C2orf66: variants seen among roughly 807,000 people sequenced by gnomAD.
C2orf66 encodes chromosome 2 open reading frame 66, also known as uncharacterized protein C2orf66.
C2orf66 carries 6 observed loss-of-function variants against 7.0 expected under a neutral mutation model. The observed-to-expected ratio is 0.86, with a 90% CI of 0.47 to 1.69. C2orf66 has a LOEUF of 1.69. Among genes scored for constraint, C2orf66 ranks in the 40% most tolerant of loss-of-function variants. The pLI, the probability that C2orf66 is intolerant of heterozygous loss-of-function variation, is 0.01. For synonymous variants in C2orf66, 38 were observed against 43.8 expected (o/e 0.87, Z 0.52); for missense variants, 107 against 112.0 (o/e 0.96, Z 0.20).
chr2:196,827,032 A>AAAAAC, the C2orf66 span, among the ~76,000 whole-genome samples: 4,863 of 151,010 alleles, frequency 0.032, 230 homozygotes, highest in African/African-American at 0.11. Flanking sequence ...ACTCTGTCTC[A>AAAAAC]AAAACAAAAC....
the C2orf66 span, among the ~76,000 whole-genome samples, chr2:196,828,226 TCTCTCACACA>T: frequency 1.4e-3 from 187 of 132,724 alleles, no homozygotes; most frequent in Non-Finnish European, 2.4e-3. Flanking sequence ...TCTCTCTCTC[TCTCTCACACA>T]CACACACACA....
chr2:196,827,698 T>G, the C2orf66 span, among the ~76,000 whole-genome samples: 2 of 152,234 alleles, frequency 1.3e-5, no homozygotes, highest in Non-Finnish European at 2.9e-5. Flanking sequence ...TCATTCTAGC[T>G]GGATTTATTT....
rs924384615 is a variant in C2orf66, at chr2:196,809,217, A to T, written c.120T>A (p.Asp40Glu). Residue 40 changes from aspartate to glutamate, a missense_variant, in exon 1 of 3, where the codon GAT becomes GAA. By Grantham distance (45) the Asp-to-Glu change is conservative (BLOSUM62 2). Transcript: ENST00000342506. ...WKPLNNPRNR[D>E]LFFRRLQAYF... ...CAGGCCCCAAGTGTGTTCTTACCAGATCTCTGTTTCTGGGGTTGTTGAGTG... is the reference window on the plus strand; with the variant it reads ...CAGGCCCCAAGTGTGTTCTTACCAGTTCTCTGTTTCTGGGGTTGTTGAGTG... The T allele has an allele frequency of 3.7e-6, 6 of 1,613,622 alleles. No individual in the cohort carries two copies. The highest frequency in any genetic ancestry group is 5.1e-6 in the Non-Finnish European group (6 of 1,179,832).
At chr2:196,817,732 C>T in the C2orf66 span, among the ~76,000 whole-genome samples, 9 of 152,022 alleles carry the variant, frequency 5.9e-5, no homozygotes, top group Non-Finnish European at 7.4e-5. Flanking sequence ...CATTTATAGA[C>T]CTCCCCCCAG....
At chr2:196,824,023 G>A in the C2orf66 span, among the ~76,000 whole-genome samples, 1 of 152,048 alleles carries the variant, frequency 6.6e-6, no homozygotes, top group Non-Finnish European at 1.5e-5. Context: ...AACAAGGAAG[G>A]TTGTGGACAT....
upstream of C2orf66, among the ~76,000 whole-genome samples, chr2:196,811,390 CA>C (rs1342254892): frequency 6.6e-6 from 1 of 152,102 alleles, no homozygotes; most frequent in African/African-American, 2.4e-5. Context: ...CACAGTAGTC[CA>C]GGCAGGAAAA....
the C2orf66 span, among the ~76,000 whole-genome samples, chr2:196,829,588 C>CA: frequency 6.7e-6 from 1 of 148,270 alleles, no homozygotes; most frequent in African/African-American, 2.5e-5. Flanking sequence ...GACTCTGTCT[C>CA]AAAAACAAAA....
chr2:196,807,750 T>G, intron 1 of C2orf66, 128 bp from the exon 2 acceptor site: 1 of 734,744 alleles, frequency 1.4e-6, no homozygotes. Context: ...AAATACAAAA[T>G]CTAGAAATAC....
the C2orf66 span, among the ~76,000 whole-genome samples, chr2:196,819,823 T>C: frequency 6.6e-6 from 1 of 152,226 alleles, no homozygotes. Flanking sequence ...TTTTGTATCA[T>C]TCACCAGAGA....
the C2orf66 span, among the ~76,000 whole-genome samples, chr2:196,825,966 A>G: frequency 6.6e-6 from 1 of 152,192 alleles, no homozygotes; most frequent in African/African-American, 2.4e-5. Flanking sequence ...ATATTATTAA[A>G]TATTTATTAT....
the C2orf66 span, among the ~76,000 whole-genome samples, chr2:196,830,614 T>C: frequency 6.6e-6 from 1 of 152,230 alleles, no homozygotes; most frequent in Non-Finnish European, 1.5e-5. Flanking sequence ...AGCCAATTTT[T>C]CCTTGTCCCA....
At chr2:196,825,806 C>A in the C2orf66 span, among the ~76,000 whole-genome samples, 4 of 152,294 alleles carry the variant, frequency 2.6e-5, no homozygotes, top group African/African-American at 7.2e-5. Context: ...ACACATTCAG[C>A]CTTTATCACA....
the C2orf66 span, among the ~76,000 whole-genome samples, chr2:196,814,407 C>T: frequency 2.0e-5 from 3 of 152,014 alleles, no homozygotes; most frequent in African/African-American, 7.2e-5. Flanking sequence ...GAACATCACA[C>T]ACTGGGGCCT....
chr2:196,811,863 C>G (rs976619405), upstream of C2orf66, among the ~76,000 whole-genome samples: 1 of 152,116 alleles, frequency 6.6e-6, no homozygotes, highest in Non-Finnish European at 1.5e-5. Flanking sequence ...CAGCCACATA[C>G]AGGAATCTAC....
At chr2:196,811,035 G>A (rs1339639074), upstream of C2orf66, among the ~76,000 whole-genome samples, 1 of 152,220 alleles carries the variant, frequency 6.6e-6, no homozygotes, top group Non-Finnish European at 1.5e-5. Context: ...GTGAAGAAAT[G>A]ACCTTACATC....
rs1026239289 is a variant in C2orf66 at position 196,809,232 on chromosome 2, G to C, written c.105C>G (p.Asn35Lys). Residue 35 changes from asparagine to lysine, a missense_variant, in exon 1 of 3, where the codon AAC (asparagine) becomes AAG (lysine). Asn to Lys is a moderately conservative substitution (Grantham distance 94, BLOSUM62 0). Transcript: ENST00000342506. ...RNEDKWKPLNNPRNRDLFFRR... is the reference protein window; with the variant it reads ...RNEDKWKPLNKPRNRDLFFRR... ...TTCTTACCAGATCTCTGTTTCTGGG[G>C]TTGTTGAGTGGCTTCCATTTGTCCT... 1 of 1,614,012 alleles carries C rather than the reference G, an allele frequency of 6.2e-7. No homozygotes were observed. The highest frequency in any genetic ancestry group is 1.3e-5 in the African/African-American group (1 of 75,034).
chr2:196,807,705 C>G (rs1699833466), intron 1 of C2orf66, 83 bp from the exon 2 acceptor site: 2 of 1,145,532 alleles, frequency 1.7e-6, no homozygotes, highest in Admixed American at 4.4e-5. Context: ...CTATTTTTCC[C>G]CTGAATTGAC....
chr2:196,817,682 C>T, the C2orf66 span, among the ~76,000 whole-genome samples: 1 of 152,140 alleles, frequency 6.6e-6, no homozygotes, highest in Non-Finnish European at 1.5e-5. Context: ...GTATTTCAGT[C>T]CTTATCTCAA....
At chr2:196,817,230 C>CTTTT in the C2orf66 span, among the ~76,000 whole-genome samples, 6 of 111,700 alleles carry the variant, frequency 5.4e-5, no homozygotes, top group East Asian at 2.5e-4. Flanking sequence ...CAAGTATTGT[C>CTTTT]TTTTTTTTTT....
Sources: gnomAD v4.1 joint callset for allele counts (sites outside exome capture counted in the v4.1 genomes callset) on GRCh38, gnomAD v4.1.1 for gene constraint, MANE v1.5 for transcripts, NCBI Gene and HGNC (gene_info 2026-07-23, HGNC 2026-07-21) for gene names.